Variants in CRYM observed in about 807,000 individuals in gnomAD.
CRYM encodes crystallin mu.
Under a neutral mutation model 32.9 loss-of-function variants are expected in CRYM, and 18 were observed. That is an observed-to-expected ratio of 0.55 (90% CI 0.38 to 0.81). The LOEUF is 0.81. CRYM is among the 30% of genes least tolerant of loss of function. The pLI is 0.00. For synonymous variants in CRYM, 153 were observed against 152.4 expected (o/e 1.00, Z -0.03); for missense variants, 337 against 393.5 (o/e 0.86, Z 1.21).
Position 21,267,748 on chromosome 16 carries a change from A to T in CRYM, c.490-11T>A, listed in dbSNP as rs2093367189. The T allele has an allele frequency of 3.1e-6, 5 of 1,614,128 alleles. No individual in the cohort carries two copies. In the African/African-American group the frequency reaches 5.3e-5, roughly 17 times the overall value. On this transcript the variant is annotated splice_polypyrimidine_tract_variant and intron_variant, in intron 4 of 7. Coordinates refer to ENST00000572914, the MANE Select transcript of CRYM (RefSeq NM_001376256.1). ...GTTCCATATCCTCACCTTCATTGGG[A>T]GTAACAAGAAGGATATTGGCGCCAT...
chr16:21,269,971 G>A (rs1237895588), intron 3 of CRYM, 80 bp from the exon 4 acceptor site: 10 of 940,302 alleles, frequency 1.1e-5, no homozygotes, highest in Non-Finnish European at 1.6e-5. Flanking sequence ...TTGAGTATCA[G>A]GTGACTTCTG....
chr16:21,291,461 C>T (rs1201343669), intron 1 of CRYM, among the ~76,000 whole-genome samples: 1 of 152,118 alleles, frequency 6.6e-6, no homozygotes, highest in Non-Finnish European at 1.5e-5. Flanking sequence ...ATGTTATCCT[C>T]ATTTTGAAAA....
In CRYM at chr16:21,277,046, G is replaced by C. The variant is rs536372621; in HGVS notation, c.324+385C>G. Among the ~76,000 whole-genome samples the C allele has an allele frequency of 2.6e-5, 4 of 152,190 alleles. No homozygotes were observed. The highest frequency in any genetic ancestry group is 5.9e-5 in the Non-Finnish European group (4 of 68,044). On this transcript the variant is annotated intron_variant, in intron 2 of 7. Coordinates refer to ENST00000572914, the MANE Select transcript of CRYM (RefSeq NM_001376256.1). The surrounding 1 kb of genome is among the most constrained non-coding windows in gnomAD (Gnocchi z 4.2). ...CCGTATACCCCTCTGAAGACTCCCAGGGATTATAGAACACCCCTTCTTTTC... is the reference window on the plus strand; with the variant it reads ...CCGTATACCCCTCTGAAGACTCCCACGGATTATAGAACACCCCTTCTTTTC...
intron 1 of CRYM, among the ~76,000 whole-genome samples, chr16:21,290,643 T>C (rs998489416): frequency 2.0e-5 from 3 of 152,210 alleles, no homozygotes; most frequent in Admixed American, 2.0e-4. Context: ...GAACTCAGTC[T>C]TGAAGTCTTA....
chr16:21,296,674 AT>A (rs1960794401), intron 1 of CRYM, among the ~76,000 whole-genome samples: 1 of 152,238 alleles, frequency 6.6e-6, no homozygotes, highest in African/African-American at 2.4e-5. Flanking sequence ...TCGAGTGCAG[AT>A]TTTGTAACAA....
intron 1 of CRYM, among the ~76,000 whole-genome samples, chr16:21,286,257 G>A (rs1027217868): frequency 6.7e-5 from 10 of 148,314 alleles, no homozygotes; most frequent in Non-Finnish European, 1.0e-4. Context: ...TCACTCTATC[G>A]CCCAGGCTGG....
intron 3 of CRYM, among the ~76,000 whole-genome samples, chr16:21,273,634 TG>T (rs998923103): frequency 3.3e-5 from 5 of 152,220 alleles, no homozygotes; most frequent in Non-Finnish European, 7.3e-5. Flanking sequence ...ACTTCTTATC[TG>T]GGACAAGACC....
rs899641031 is a variant in CRYM, at chr16:21,263,156, C to A, written c.674-998G>T. On this transcript the variant is annotated intron_variant, in intron 5 of 7. Transcript: ENST00000572914. ...GTGGCTCATGCCTGTAATCCTAACACTCTGGAAGGCTGAGGTGGGTGGTTC... is the reference window on the plus strand; with the variant it reads ...GTGGCTCATGCCTGTAATCCTAACAATCTGGAAGGCTGAGGTGGGTGGTTC... Among the ~76,000 whole-genome samples, 19 of 152,272 alleles carry A rather than the reference C, an allele frequency of 1.2e-4. 1 individual carries two copies. The highest frequency in any genetic ancestry group is 7.2e-4 in the Admixed American group (11 of 15,306).
At chr16:21,295,348 T>C (rs987690536) in intron 1 of CRYM, among the ~76,000 whole-genome samples, 1 of 152,232 alleles carries the variant, frequency 6.6e-6, no homozygotes, top group Non-Finnish European at 1.5e-5. Context: ...TTTCTTGACT[T>C]TTTAATAATC....
At position 21,267,591 on chromosome 16, in the gene CRYM, CA is replaced by C; in HGVS notation, c.635del (p.Leu212CysfsTer6). The C allele has an allele frequency of 6.2e-7, 1 of 1,614,118 alleles. No homozygotes were observed. The highest frequency in any genetic ancestry group is 8.5e-7 in the Non-Finnish European group (1 of 1,180,024). ...ITVTLATEPILFGEWVKPGAH... is the reference protein window; with the variant it reads ...ITVTLATEPIXFGEWVKPGAH... ...CCCCTGGCTTCACCCATTCACCAAACAAAATGGGCTCTGTTGCCAGGGTGAC... is the reference window on the plus strand; with the variant it reads ...CCCCTGGCTTCACCCATTCACCAAACAAATGGGCTCTGTTGCCAGGGTGAC... On this transcript the variant is annotated frameshift_variant, in exon 5 of 8. Transcript: ENST00000572914. LOFTEE classifies it high-confidence loss of function.
intron 3 of CRYM, 39 bp downstream of exon 3, chr16:21,275,493 A>G (rs370880672): frequency 1.3e-6 from 2 of 1,586,078 alleles, no homozygotes; most frequent in Non-Finnish European, 1.7e-6. Flanking sequence ...ACCCCACTTG[A>G]CAGCTCACCT....
At chr16:21,278,661 C>T (rs1046358047), upstream of CRYM, 3 of 239,730 alleles carry the variant, frequency 1.3e-5, no homozygotes, top group African/African-American at 4.6e-5. Flanking sequence ...AAAACGCTAA[C>T]GGGGCTCCTT....
chr16:21,284,217 A>G (rs1026992926), intron 1 of CRYM: 3 of 151,780 alleles, frequency 2.0e-5, no homozygotes, highest in South Asian at 4.2e-4. Context: ...TGCTAGTCTG[A>G]CTTGAGGCAA....
chr16:21,278,629 G>A (rs1459181780), upstream of CRYM: 2 of 280,578 alleles, frequency 7.1e-6, no homozygotes, highest in African/African-American at 2.2e-5. Context: ...AGGTCACCGT[G>A]CCTGGGAAAG....
chr16:21,286,759 A>G (rs918337587), intron 1 of CRYM, among the ~76,000 whole-genome samples: 1 of 152,230 alleles, frequency 6.6e-6, no homozygotes, highest in African/African-American at 2.4e-5. Flanking sequence ...TAAGCCTACT[A>G]TGTCTCTCTT....
intron 1 of CRYM, among the ~76,000 whole-genome samples, chr16:21,292,767 A>G (rs571337671): frequency 1.1e-4 from 16 of 152,282 alleles, no homozygotes; most frequent in African/African-American, 3.1e-4. Context: ...AATAAGATAC[A>G]GAGTTCAAAA....
At chr16:21,262,216 G>A in intron 5 of CRYM, 58 bp from the exon 6 acceptor site, 2 of 1,611,152 alleles carry the variant, frequency 1.2e-6, no homozygotes, top group Non-Finnish European at 1.7e-6. Context: ...CTGCTAAGAA[G>A]CCCAAAGCAC....
intron 1 of CRYM, chr16:21,283,610 G>A (rs1289695254): frequency 6.6e-6 from 1 of 151,220 alleles, no homozygotes; most frequent in Non-Finnish European, 1.5e-5. Flanking sequence ...AGCAACGGAT[G>A]AAGTATCTCG....
At chr16:21,279,185 A>G (rs1198938118), upstream of CRYM, among the ~76,000 whole-genome samples, 2 of 152,230 alleles carry the variant, frequency 1.3e-5, no homozygotes, top group Non-Finnish European at 2.9e-5. Context: ...GATCTTTACT[A>G]TGTACCAGAT....
Sources: allele counts gnomAD v4.1 joint callset (sites outside exome capture counted in the v4.1 genomes callset), GRCh38; gene constraint gnomAD v4.1.1; non-coding constraint Gnocchi (gnomAD v3.1); transcripts MANE v1.5; gene names NCBI Gene and HGNC (gene_info 2026-07-23, HGNC 2026-07-21).